Variants in GMDS observed in about 807,000 individuals in gnomAD.
GMDS encodes the protein GDP-mannose 4,6-dehydratase.
A neutral mutation model predicts 49.9 loss-of-function variants in GMDS; 20 were observed. The observed-to-expected ratio is 0.40, with a 90% CI of 0.28 to 0.58. GMDS has a LOEUF of 0.58. GMDS is among the 20% of genes least tolerant of loss of function. GMDS has a pLI of 0.42. For missense variants in GMDS, 362 were observed against 481.4 expected, an observed-to-expected ratio of 0.75 and a Z score of 2.32; for synonymous variants, 177 against 178.6, an observed-to-expected ratio of 0.99 and a Z score of 0.07.
chr6:1,715,911 T>C (rs1435016310), intron 9 of GMDS, among the ~76,000 whole-genome samples: 1 of 152,240 alleles, frequency 6.6e-6, no homozygotes, highest in Non-Finnish European at 1.5e-5. Context: ...CCTTAGTAAC[T>C]TGCCTTAGAA....
chr6:2,125,680 G>A lies in GMDS; in HGVS notation c.103-949C>T, dbSNP rs187154866. Among the ~76,000 whole-genome samples the A allele has an allele frequency of 3.5e-4, 53 of 152,254 alleles. 1 individual carries two copies. The East Asian group carries it at 0.01, about 29-fold the overall frequency. ...GGATATAGAAGGGCTAGTGTGGAGA[G>A]GAAAAGACTCCATGGTAGAATAAAG... On this transcript the variant is annotated intron_variant, in intron 1 of 10. Coordinates refer to ENST00000380815, the MANE Select transcript of GMDS (RefSeq NM_001500.4).
intron 7 of GMDS, among the ~76,000 whole-genome samples, chr6:1,871,872 G>T (rs1257940434): frequency 2.6e-5 from 4 of 152,104 alleles, no homozygotes; most frequent in Admixed American, 2.6e-4. Context: ...TTTCTCTTTT[G>T]TGAATGAGGA....
intron 1 of GMDS, among the ~76,000 whole-genome samples, chr6:2,165,997 A>G (rs1777652465): frequency 6.6e-6 from 1 of 152,250 alleles, no homozygotes. Context: ...GAAGTTACTC[A>G]GAGATAAAAA....
At chr6:2,109,931 C>T (rs1774450124) in intron 4 of GMDS, among the ~76,000 whole-genome samples, 1 of 152,194 alleles carries the variant, frequency 6.6e-6, no homozygotes, top group Non-Finnish European at 1.5e-5. Flanking sequence ...GCTACGCTCC[C>T]TGCCTGCTCC....
intron 9 of GMDS, among the ~76,000 whole-genome samples, chr6:1,661,020 C>T (rs889771188): frequency 4.6e-5 from 7 of 151,868 alleles, no homozygotes; most frequent in Non-Finnish European, 7.4e-5. Context: ...CTGAGCAGCG[C>T]CACATAAAAG....
chr6:1,757,516 T>G (rs1767992878), intron 7 of GMDS, among the ~76,000 whole-genome samples: 1 of 152,188 alleles, frequency 6.6e-6, no homozygotes, highest in South Asian at 2.1e-4. Context: ...TGCTCTTGGC[T>G]CCTGACTGTG....
At chr6:1,856,101 A>G (rs1757926498) in intron 7 of GMDS, among the ~76,000 whole-genome samples, 1 of 152,214 alleles carries the variant, frequency 6.6e-6, no homozygotes, top group Admixed American at 6.5e-5. Flanking sequence ...ACCTCCCTGT[A>G]AGTACATAGA....
chr6:2,102,579 T>A (rs1053890222), intron 4 of GMDS, among the ~76,000 whole-genome samples: 1 of 152,328 alleles, frequency 6.6e-6, no homozygotes, highest in Admixed American at 6.5e-5. Flanking sequence ...ACGATGTTAT[T>A]GCATTAAGAA....
At chr6:2,030,782 G>A (rs554053159) in intron 4 of GMDS, among the ~76,000 whole-genome samples, 3 of 152,220 alleles carry the variant, frequency 2.0e-5, no homozygotes, top group African/African-American at 7.2e-5. Context: ...AAAGTGGTTC[G>A]CTAAATTGTA....
chr6:2,115,602 A>T (rs1441535508), intron 4 of GMDS, among the ~76,000 whole-genome samples, 169 bp downstream of exon 4: 2 of 152,210 alleles, frequency 1.3e-5, no homozygotes. Context: ...AGAGACTTTT[A>T]AAAAATCTAT....
chr6:2,103,443 G>A (rs1208558305), intron 4 of GMDS, among the ~76,000 whole-genome samples: 4 of 152,104 alleles, frequency 2.6e-5, no homozygotes, highest in Non-Finnish European at 4.4e-5. Flanking sequence ...TTGTGACCCA[G>A]AGATTAGTCT....
intron 4 of GMDS, among the ~76,000 whole-genome samples, chr6:2,049,704 A>G (rs974492172): frequency 1.3e-5 from 2 of 152,210 alleles, no homozygotes; most frequent in Non-Finnish European, 2.9e-5. Flanking sequence ...CTGTGATGAC[A>G]GATAAAAAGG....
chr6:1,932,502 G>C (rs562393136), intron 6 of GMDS, among the ~76,000 whole-genome samples: 10 of 151,344 alleles, frequency 6.6e-5, no homozygotes, highest in Non-Finnish European at 1.3e-4. Context: ...AAGTTATCTT[G>C]GATAACTAGC....
intron 7 of GMDS, among the ~76,000 whole-genome samples, chr6:1,745,743 A>T (rs1176543794): frequency 1.3e-5 from 2 of 152,160 alleles, no homozygotes; most frequent in Non-Finnish European, 2.9e-5. Flanking sequence ...ACAACTCCAG[A>T]TTTATTTGTT....
At chr6:1,929,024 C>T (rs756800323) in intron 7 of GMDS, among the ~76,000 whole-genome samples, 1 of 151,738 alleles carries the variant, frequency 6.6e-6, no homozygotes. Context: ...TTGCACTATT[C>T]AAAATCTAAA....
At position 1,906,555 on chromosome 6, in the gene GMDS, A is replaced by G. The variant is rs1414886761; in HGVS notation, c.771+23548T>C. 4.6e-5 allele frequency among the ~76,000 whole-genome samples: 7 copies of G among 152,328 alleles called. No homozygotes were observed. In the East Asian group the frequency reaches 1.4e-3, roughly 29 times the overall value. On this transcript the variant is annotated intron_variant, in intron 7 of 10. Transcript: ENST00000380815. ...CTGAATACATGCACTCACTGATTTT[A>G]GAAATCAAACTCTTTTCACATCTCT...
At chr6:2,157,236 A>T (rs938051464) in intron 1 of GMDS, among the ~76,000 whole-genome samples, 3 of 152,214 alleles carry the variant, frequency 2.0e-5, no homozygotes, top group Non-Finnish European at 2.9e-5. Context: ...GGCAGGGGCC[A>T]GAGACTCTGC....
chr6:1,674,775 C>T (rs1256386552), intron 9 of GMDS, among the ~76,000 whole-genome samples: 1 of 150,424 alleles, frequency 6.6e-6, no homozygotes, highest in Admixed American at 6.6e-5. Flanking sequence ...GTCTTGAACT[C>T]CTGGGCTCAA....
At chr6:1,772,725 T>G (rs1472433805) in intron 7 of GMDS, among the ~76,000 whole-genome samples, 3 of 152,136 alleles carry the variant, frequency 2.0e-5, no homozygotes, top group Admixed American at 2.0e-4. Flanking sequence ...CTGGTCAGGG[T>G]TCGTGATGAC....
Sources: gnomAD v4.1 joint callset for allele counts (sites outside exome capture counted in the v4.1 genomes callset) on GRCh38, gnomAD v4.1.1 for gene constraint, MANE v1.5 for transcripts, NCBI Gene and HGNC (gene_info 2026-07-23, HGNC 2026-07-21) for gene names.